The following IRAG1 variants were observed in gnomAD, a reference collection of about 807,000 sequenced individuals.
IRAG1 encodes IP3R-associated cGMP kinase substrate.
In IRAG1, 62 loss-of-function variants were observed where a neutral mutation model predicts 106.2. That is an observed-to-expected ratio of 0.58 (90% CI 0.48 to 0.72). The LOEUF (loss-of-function observed/expected upper bound fraction) is 0.72. Ranked by LOEUF, IRAG1 falls within the 30% of genes least tolerant of loss-of-function variation. IRAG1 has a pLI of 0.00. For synonymous variants in IRAG1, 462 were observed against 443.9 expected, an observed-to-expected ratio of 1.04 and a Z score of -0.51; for missense variants, 1,064 against 1,140.7, an observed-to-expected ratio of 0.93 and a Z score of 0.97.
chr11:10,680,544 AGGGGAAGG>A (rs1861170901), intron 1 of IRAG1, among the ~76,000 whole-genome samples: 5 of 128,856 alleles, frequency 3.9e-5, no homozygotes, highest in African/African-American at 1.3e-4. Context: ...AGGAAGGGGA[AGGGGAAGG>A]GGAAGGGGAA....
chr11:10,676,251 G>A (rs1860653412), intron 1 of IRAG1, among the ~76,000 whole-genome samples: 1 of 152,258 alleles, frequency 6.6e-6, no homozygotes, highest in Non-Finnish European at 1.5e-5. Flanking sequence ...GTTTCTCCCT[G>A]TGCGGTGGGA....
intron 1 of IRAG1, among the ~76,000 whole-genome samples, chr11:10,673,546 T>G (rs1860419704): frequency 6.6e-6 from 1 of 152,082 alleles, no homozygotes; most frequent in Admixed American, 6.5e-5. Flanking sequence ...TCTTTTTGGA[T>G]GATAAAAATA....
chr11:10,633,327 GGC>G (rs1564919699), intron 3 of IRAG1, among the ~76,000 whole-genome samples: 1 of 152,046 alleles, frequency 6.6e-6, no homozygotes, highest in Non-Finnish European at 1.5e-5. Context: ...CACCCGCCTT[GGC>G]CTCCCAAAGT....
At position 10,684,622 on chromosome 11, in the gene IRAG1, T is replaced by C. The variant is rs1182997362; in HGVS notation, c.67+8914A>G. On this transcript the variant is annotated intron_variant, in intron 1 of 20. Transcript: ENST00000423302. The stretch of plus-strand genomic sequence containing the variant: ...TAAAGTATAATAATAATAATAATAA[T>C]AATAATAATAATAATAATAATAATA... Among the ~76,000 whole-genome samples the C allele has an allele frequency of 1.8e-4, 27 of 147,592 alleles. No homozygotes were observed. In the South Asian group the frequency reaches 3.0e-3, roughly 16 times the overall value.
intron 1 of IRAG1, among the ~76,000 whole-genome samples, chr11:10,667,129 G>GT (rs113491871): frequency 1.9e-4 from 28 of 149,566 alleles, no homozygotes; most frequent in African/African-American, 2.9e-4. Context: ...TAGAACAGAA[G>GT]TTTTTTTTTT....
At chr11:10,680,215 G>A (rs989860782) in intron 1 of IRAG1, among the ~76,000 whole-genome samples, 1 of 146,434 alleles carries the variant, frequency 6.8e-6, no homozygotes, top group Non-Finnish European at 1.5e-5. Flanking sequence ...GGAGGTTGCA[G>A]TGAGCAGAGA....
intron 17 of IRAG1, among the ~76,000 whole-genome samples, chr11:10,592,913 G>T (rs1324286073): frequency 6.6e-6 from 1 of 152,130 alleles, no homozygotes; most frequent in African/African-American, 2.4e-5. Flanking sequence ...TATACACTAG[G>T]TTTTGTATAT....
At chr11:10,656,718 C>T (rs990365092) in intron 1 of IRAG1, among the ~76,000 whole-genome samples, 2 of 152,020 alleles carry the variant, frequency 1.3e-5, no homozygotes, top group Admixed American at 6.5e-5. Flanking sequence ...AGAGAGGTTC[C>T]GCAACCTGCT....
intron 2 of IRAG1, among the ~76,000 whole-genome samples, chr11:10,645,417 A>T (rs894475982): frequency 1.3e-5 from 2 of 152,222 alleles, no homozygotes; most frequent in African/African-American, 4.8e-5. Context: ...CAGTATCCTG[A>T]TCTGTGAAAT....
At chr11:10,663,851 A>G (rs1027143877) in intron 1 of IRAG1, among the ~76,000 whole-genome samples, 4 of 152,186 alleles carry the variant, frequency 2.6e-5, no homozygotes, top group African/African-American at 9.7e-5. Context: ...GGTCTGTGAG[A>G]AAGGAATTAC....
chr11:10,591,416 T>C, intron 18 of IRAG1, 132 bp downstream of exon 18: 1 of 819,554 alleles, frequency 1.2e-6, no homozygotes, highest in Non-Finnish European at 2.0e-6. Context: ...GGTTTCAGAC[T>C]CCCATTCATT....
intron 12 of IRAG1, among the ~76,000 whole-genome samples, 159 bp downstream of exon 12, chr11:10,606,583 G>A (rs906386570): frequency 6.6e-6 from 1 of 152,098 alleles, no homozygotes; most frequent in Non-Finnish European, 1.5e-5. Context: ...GGGATCTCAT[G>A]GTTCAAGAGG....
intron 10 of IRAG1, among the ~76,000 whole-genome samples, chr11:10,610,912 C>T (rs1306624033): frequency 6.6e-6 from 1 of 152,188 alleles, no homozygotes; most frequent in Non-Finnish European, 1.5e-5. Flanking sequence ...ACTCTTTCTC[C>T]TGGATTTTAA....
Position 10,584,548 on chromosome 11 carries a change from AATATATATATATATATAT to A in IRAG1, c.2241-2580_2241-2563del, listed in dbSNP as rs56768282. Among the ~76,000 whole-genome samples, 37 of 98,580 alleles carry A rather than the reference AATATATATATATATATAT, an allele frequency of 3.8e-4. 1 individual carries two copies. The South Asian group carries it at 7.9e-3, about 21-fold the overall frequency. The allele number at this position is 98,580 out of a possible 152,430, so 64.7% of individuals were successfully genotyped here. A position where few individuals can be genotyped will look rare whatever the true frequency, so the allele number is the denominator to read the frequency against. On this transcript the variant is annotated intron_variant, in intron 18 of 20. Coordinates refer to ENST00000423302, the MANE Select transcript of IRAG1 (RefSeq NM_130385.4). ...GGCAGGGAAAGTAATTCTTTCATGA[AATATATATATATATATAT>A]ATATATATATATATATATATGAAAT... is the stretch of plus-strand genomic sequence containing the variant.
intron 10 of IRAG1, among the ~76,000 whole-genome samples, chr11:10,615,244 C>A (rs1432954904): frequency 6.6e-6 from 1 of 152,106 alleles, no homozygotes; most frequent in African/African-American, 2.4e-5. Context: ...ACCATCTCAC[C>A]CCAGTTAGAA....
intron 1 of IRAG1, among the ~76,000 whole-genome samples, chr11:10,662,261 G>C (rs914916483): frequency 2.6e-5 from 4 of 152,072 alleles, no homozygotes; most frequent in Non-Finnish European, 5.9e-5. Flanking sequence ...ACAAAACTTA[G>C]CCATCATCTG....
chr11:10,616,545 CAAA>C (rs1406763660), intron 10 of IRAG1, among the ~76,000 whole-genome samples: 2 of 151,954 alleles, frequency 1.3e-5, no homozygotes, highest in Non-Finnish European at 2.9e-5. Flanking sequence ...AAACAAAAAA[CAAA>C]AAACTACCTC....
chr11:10,594,240 G>A (rs1306565088), intron 15 of IRAG1, 45 bp from the exon 16 acceptor site: 1 of 1,568,886 alleles, frequency 6.4e-7, no homozygotes. Flanking sequence ...TAAGTTTCAG[G>A]CTAGGCACCA....
rs1850748599 is a variant in IRAG1, at chr11:10,575,052, A to G, written c.*1280T>C. 6.6e-6 allele frequency: 1 copy of G among 152,226 alleles called. No individual in the cohort carries two copies. Among genetic ancestry groups the G allele is most frequent in the African/African-American group, 2.4e-5 (1 of 41,448 alleles). 9.4% of individuals were successfully genotyped at this position (152,226 alleles called of 1,614,324 possible). A position where few individuals can be genotyped will look rare whatever the true frequency, so the allele number is the denominator to read the frequency against. On this transcript the variant is annotated 3_prime_UTR_variant, in exon 21 of 21. Transcript: ENST00000423302. ...TATATGAGTTTTAGCAATGAAAGCA[A>G]ACAATATCAATAACAAAACAAAAAT...
Sources: allele counts gnomAD v4.1 joint callset (sites outside exome capture counted in the v4.1 genomes callset), GRCh38; gene constraint gnomAD v4.1.1; transcripts MANE v1.5; gene names NCBI Gene and HGNC (gene_info 2026-07-23, HGNC 2026-07-21).